The following PDE3B variants were observed in gnomAD, a reference collection of about 807,000 sequenced individuals.
PDE3B encodes the protein phosphodiesterase 3B, also known as cGMP-inhibited 3',5'-cyclic phosphodiesterase 3B.
In PDE3B, 66 loss-of-function variants were observed where a neutral mutation model predicts 116.8. That is an observed-to-expected ratio of 0.56 (90% CI 0.46 to 0.69). The LOEUF is 0.69. Ranked by LOEUF, PDE3B falls within the 30% of genes least tolerant of loss-of-function variation. PDE3B has a pLI of 0.00. For synonymous variants in PDE3B, 595 were observed against 533.6 expected, an observed-to-expected ratio of 1.12 and a Z score of -1.59; for missense variants, 1,384 against 1,368.1, an observed-to-expected ratio of 1.01 and a Z score of -0.18.
intron 5 of PDE3B, among the ~76,000 whole-genome samples, chr11:14,816,535 C>T (rs1271282815): frequency 6.6e-6 from 1 of 152,212 alleles, no homozygotes; most frequent in Non-Finnish European, 1.5e-5. Flanking sequence ...GAATTATAGA[C>T]TCATCTTATG....
At position 14,657,183 on chromosome 11, in the gene PDE3B, A is replaced by G. The variant is rs549756924; in HGVS notation, c.978+12130A>G. On this transcript the variant is annotated intron_variant, in intron 1 of 15. Transcript: ENST00000282096. ...AGTTTGTCACTTTGGAGTTGGGAGTACACTGGGAAGTCAAACAAATGTCTT... is the reference window on the plus strand; with the variant it reads ...AGTTTGTCACTTTGGAGTTGGGAGTGCACTGGGAAGTCAAACAAATGTCTT... Among the ~76,000 whole-genome samples, 9 of 152,324 alleles carry G rather than the reference A, an allele frequency of 5.9e-5. No individual in the cohort carries two copies. The East Asian group carries it at 1.7e-3, about 29-fold the overall frequency.
At chr11:14,856,355 G>C (rs1682091592) in intron 12 of PDE3B, among the ~76,000 whole-genome samples, 1 of 152,058 alleles carries the variant, frequency 6.6e-6, no homozygotes, top group South Asian at 2.1e-4. Flanking sequence ...ACACAGAAAA[G>C]AACAAACCGA....
At chr11:14,762,808 G>A (rs964593707) in intron 1 of PDE3B, among the ~76,000 whole-genome samples, 3 of 152,216 alleles carry the variant, frequency 2.0e-5, no homozygotes, top group African/African-American at 7.2e-5. Flanking sequence ...GGATTTTCCA[G>A]TGTGATGTGT....
chr11:14,713,349 C>T (rs118180076), intron 1 of PDE3B, among the ~76,000 whole-genome samples: 1,793 of 152,194 alleles, frequency 0.012, 22 homozygotes, highest in Non-Finnish European at 0.017. Flanking sequence ...AAATATTATT[C>T]TGAGTTTCTA....
chr11:14,874,920 C>T (rs569982653), downstream of PDE3B, among the ~76,000 whole-genome samples: 1 of 152,250 alleles, frequency 6.6e-6, no homozygotes, highest in South Asian at 2.1e-4. Context: ...TGTCCTCATA[C>T]CTGTTTAACA....
At chr11:14,872,693 G>C (rs1260358819), downstream of PDE3B, among the ~76,000 whole-genome samples, 1 of 152,108 alleles carries the variant, frequency 6.6e-6, no homozygotes, top group Non-Finnish European at 1.5e-5. Context: ...TTGGTTCTAG[G>C]ACCTCCTCAG....
intron 11 of PDE3B, 42 bp from the exon 12 acceptor site, chr11:14,843,785 A>T: frequency 2.0e-6 from 3 of 1,477,630 alleles, no homozygotes; most frequent in Non-Finnish European, 1.9e-6. Context: ...TGAGGAATTT[A>T]TGTGCTAATG....
intron 12 of PDE3B, among the ~76,000 whole-genome samples, chr11:14,856,091 G>C (rs964485459): frequency 1.3e-5 from 2 of 152,230 alleles, no homozygotes; most frequent in Non-Finnish European, 2.9e-5. Context: ...CATGGGGGCA[G>C]GTTCTCCCAT....
At chr11:14,878,231 A>C in the PDE3B span, 2 of 1,613,260 alleles carry the variant, frequency 1.2e-6, no homozygotes, top group Non-Finnish European at 1.7e-6. Context: ...AAACCTCTGA[A>C]GCAATGCTGT....
chr11:14,807,933 G>A (rs749448441), intron 5 of PDE3B, among the ~76,000 whole-genome samples: 1 of 151,872 alleles, frequency 6.6e-6, no homozygotes, highest in African/African-American at 2.4e-5. Context: ...GGTGGTGGGC[G>A]CCTGTAATCC....
At chr11:14,819,012 T>C (rs1859424728) in intron 6 of PDE3B, 124 bp from the exon 7 acceptor site, 4 of 552,868 alleles carry the variant, frequency 7.2e-6, no homozygotes, top group African/African-American at 1.9e-5. Context: ...TATGGAGAGA[T>C]TGGAATTTTA....
chr11:14,889,803 G>C, the PDE3B span, among the ~76,000 whole-genome samples: 1 of 152,098 alleles, frequency 6.6e-6, no homozygotes, highest in Non-Finnish European at 1.5e-5. Flanking sequence ...TTTCAAATTT[G>C]GAGGTCGAAC....
chr11:14,684,510 C>G (rs1854809738), intron 1 of PDE3B, among the ~76,000 whole-genome samples: 1 of 152,174 alleles, frequency 6.6e-6, no homozygotes, highest in African/African-American at 2.4e-5. Flanking sequence ...GGTCTTTGTT[C>G]AGCTGTGCAC....
intron 1 of PDE3B, among the ~76,000 whole-genome samples, chr11:14,693,770 A>T (rs1432360234): frequency 6.6e-6 from 1 of 152,222 alleles, no homozygotes; most frequent in Non-Finnish European, 1.5e-5. Context: ...GCCTGCAAAC[A>T]TAACATCCAT....
chr11:14,668,428 C>G (rs1395238352), intron 1 of PDE3B, among the ~76,000 whole-genome samples: 1 of 151,902 alleles, frequency 6.6e-6, no homozygotes, highest in African/African-American at 2.4e-5. Context: ...TATGTTAAAC[C>G]CTGGTCAACC....
At chr11:14,855,586 C>G (rs1847834235) in intron 12 of PDE3B, among the ~76,000 whole-genome samples, 1 of 151,878 alleles carries the variant, frequency 6.6e-6, no homozygotes, top group Non-Finnish European at 1.5e-5. Context: ...AAATCTTGCC[C>G]CTCATCGAAC....
intron 1 of PDE3B, chr11:14,700,870 T>A (rs570257848): frequency 2.0e-5 from 3 of 151,966 alleles, no homozygotes; most frequent in Non-Finnish European, 4.4e-5. Context: ...TAAAAGTGGT[T>A]AAATATACTT....
chr11:14,763,465 T>C (rs1349712491), intron 1 of PDE3B, among the ~76,000 whole-genome samples: 1 of 151,932 alleles, frequency 6.6e-6, no homozygotes, highest in East Asian at 1.9e-4. Context: ...AATGAGATAG[T>C]GGCCGGGTGA....
At chr11:14,690,532 A>T (rs745618082) in intron 1 of PDE3B, among the ~76,000 whole-genome samples, 2 of 151,468 alleles carry the variant, frequency 1.3e-5, no homozygotes, top group Non-Finnish European at 2.9e-5. Context: ...GATTCTTGTG[A>T]TGTTTATGAT....
Sources: allele counts gnomAD v4.1 joint callset (sites outside exome capture counted in the v4.1 genomes callset), GRCh38; gene constraint gnomAD v4.1.1; transcripts MANE v1.5; gene names NCBI Gene and HGNC (gene_info 2026-07-23, HGNC 2026-07-21).